Variants in RAB18 observed in about 807,000 individuals in gnomAD.
RAB18 encodes the protein ras-related protein Rab-18.
RAB18 carries 10 observed loss-of-function variants against 28.5 expected under a neutral mutation model. That is an observed-to-expected ratio of 0.35 (90% CI 0.22 to 0.60). The LOEUF is 0.60. RAB18 is among the 20% of genes least tolerant of loss of function. The pLI is 0.78. For missense variants in RAB18, 188 were observed against 244.2 expected (o/e 0.77, Z 1.53); for synonymous variants, 93 against 86.9 (o/e 1.07, Z -0.39).
rs1834942612 is a variant in RAB18 at position 27,538,267 on chromosome 10, A to C, written c.*216A>C. ...AGTCTACAGTTTTTTTATGTAGCAC[A>C]AAATAGGTGTACCTTTATAAGTACA... is the stretch of plus-strand genomic sequence containing the variant. On this transcript the variant is annotated 3_prime_UTR_variant, in exon 7 of 7. Transcript: ENST00000356940. The C allele has an allele frequency of 1.5e-6, 1 of 672,964 alleles. No individual in the cohort carries two copies. 41.7% of individuals were successfully genotyped at this position (672,964 alleles called of 1,614,324 possible). A position where few individuals can be genotyped will look rare whatever the true frequency, so the allele number is the denominator to read the frequency against.
chr10:27,518,161 C>T (rs573590438), intron 2 of RAB18, among the ~76,000 whole-genome samples: 11 of 152,126 alleles, frequency 7.2e-5, no homozygotes, highest in African/African-American at 2.4e-4. Context: ...TTGTTGTTTC[C>T]AGTTTTTAGT....
intron 2 of RAB18, among the ~76,000 whole-genome samples, chr10:27,519,202 G>A (rs1376609280): frequency 6.6e-6 from 1 of 151,290 alleles, no homozygotes; most frequent in Admixed American, 6.6e-5. Context: ...GAAATATCAC[G>A]TAATCATCTC....
In RAB18 at chr10:27,540,671, T is replaced by TA. The variant is rs1443520541; in HGVS notation, c.*2621dup. The TA allele has an allele frequency of 2.2e-6, 1 of 454,094 alleles. No homozygotes were observed. The highest frequency in any genetic ancestry group is 2.3e-5 in the Admixed American group (1 of 42,580). The allele number at this position is 454,094 out of a possible 1,614,324, so 28.1% of individuals were successfully genotyped here. On this transcript the variant is annotated 3_prime_UTR_variant, in exon 7 of 7. Transcript: ENST00000356940. Reference sequence around the variant, plus strand: ...AGGTACAAAGTTAGGGGACTTATGGTACCTTCACTTTTTATGTGAGAATAG... The same window carrying TA: ...AGGTACAAAGTTAGGGGACTTATGGTAACCTTCACTTTTTATGTGAGAATAG...
intron 1 of RAB18, chr10:27,504,853 A>G (rs1015838749): frequency 4.3e-6 from 2 of 464,994 alleles, no homozygotes; most frequent in Non-Finnish European, 8.7e-6. Context: ...TAGCTTTCCC[A>G]CTTGAGGGTT....
At chr10:27,524,162 T>C (rs1290466787) in intron 2 of RAB18, among the ~76,000 whole-genome samples, 2 of 152,222 alleles carry the variant, frequency 1.3e-5, no homozygotes. Context: ...ACTCCTGGCC[T>C]CAAGCGATCC....
intron 4 of RAB18, 131 bp from the exon 5 acceptor site, chr10:27,533,598 CAATATT>C (rs1360582540): frequency 3.0e-5 from 29 of 982,418 alleles, no homozygotes; most frequent in Non-Finnish European, 3.9e-5. Context: ...AGTAGACACT[CAATATT>C]AATCGTTGAA....
chr10:27,515,827 CTCCT>C (rs1003193309), intron 2 of RAB18, among the ~76,000 whole-genome samples: 38 of 152,172 alleles, frequency 2.5e-4, no homozygotes, highest in African/African-American at 8.9e-4. Context: ...CAATCTGATC[CTCCT>C]TCCTTCTTTA....
chr10:27,531,457 C>T, intron 3 of RAB18: 1 of 1,489,234 alleles, frequency 6.7e-7, no homozygotes, highest in Non-Finnish European at 9.0e-7. Context: ...CATAACAAAC[C>T]CTCATTTACA....
chr10:27,529,813 C>T (rs1015414211), intron 3 of RAB18, among the ~76,000 whole-genome samples: 2 of 151,928 alleles, frequency 1.3e-5, no homozygotes, highest in East Asian at 1.9e-4. Flanking sequence ...AATCCTGATG[C>T]GATGCTATTG....
Position 27,538,497 on chromosome 10 carries a change from A to G in RAB18, c.*446A>G. The G allele has an allele frequency of 2.2e-6, 1 of 454,684 alleles. No homozygotes were observed. Among genetic ancestry groups the G allele is most frequent in the African/African-American group, 2.0e-5 (1 of 50,126 alleles). The allele number at this position is 454,684 out of a possible 1,614,324, so 28.2% of individuals were successfully genotyped here. ...GGCAAATTTTCTTTCAGGAATAATA[A>G]AGAGCATGATTCCACAGCTTTTCTG... is the stretch of plus-strand genomic sequence containing the variant. On this transcript the variant is annotated 3_prime_UTR_variant, in exon 7 of 7. Transcript: ENST00000356940.
chr10:27,542,059 C>T lies in RAB18; in HGVS notation c.*4008C>T, dbSNP rs538921321. Reference sequence around the variant, plus strand: ...GGAGATAGTGTGCTGGGAGGAGTCACATTCTGAACTTGCTGCAGCTCGTTT... The same window carrying T: ...GGAGATAGTGTGCTGGGAGGAGTCATATTCTGAACTTGCTGCAGCTCGTTT... On this transcript the variant is annotated 3_prime_UTR_variant, in exon 7 of 7. Transcript: ENST00000356940. 141 of 454,064 alleles carry T rather than the reference C, an allele frequency of 3.1e-4. 1 individual carries two copies. Among genetic ancestry groups the T allele is most frequent in the South Asian group, 1.9e-3 (123 of 64,464 alleles). The allele number at this position is 454,064 out of a possible 1,614,324, so 28.1% of individuals were successfully genotyped here. A position where few individuals can be genotyped will look rare whatever the true frequency, so the allele number is the denominator to read the frequency against.
chr10:27,538,453 T>C lies in RAB18; in HGVS notation c.*402T>C, dbSNP rs555933024. 326 of 455,294 alleles carry C rather than the reference T, an allele frequency of 7.2e-4. No homozygotes were observed. The highest frequency in any genetic ancestry group is 1.3e-3 in the Non-Finnish European group (290 of 227,442). The allele number at this position is 455,294 out of a possible 1,614,324, so 28.2% of individuals were successfully genotyped here. On this transcript the variant is annotated 3_prime_UTR_variant, in exon 7 of 7. Transcript: ENST00000356940. ...GAACTCCTAGCACCACGGGGAAGAA[T>C]AGAGGTATCATCAAACGTGGCAAAT...
chr10:27,512,605 C>T (rs1834346329), intron 2 of RAB18, among the ~76,000 whole-genome samples: 1 of 152,146 alleles, frequency 6.6e-6, no homozygotes, highest in South Asian at 2.1e-4. Flanking sequence ...TGTGCCCATA[C>T]TGGTGTATTA....
intron 3 of RAB18, among the ~76,000 whole-genome samples, chr10:27,529,257 G>A (rs1214559875): frequency 6.6e-6 from 1 of 151,736 alleles, no homozygotes; most frequent in African/African-American, 2.4e-5. Flanking sequence ...GGAGGTAAAG[G>A]GTGTTCTTGT....
At chr10:27,504,497 CTGTCTCCTGGGCCG>C in intron 1 of RAB18, 60 bp downstream of exon 1, 1 of 1,526,384 alleles carries the variant, frequency 6.6e-7, no homozygotes, top group Non-Finnish European at 8.9e-7. Flanking sequence ...CCGGTGGCTG[CTGTCTCCTGGGCCG>C]CGACGGGAAC....
chr10:27,507,017 A>G (rs1162165240), intron 1 of RAB18, among the ~76,000 whole-genome samples: 1 of 152,222 alleles, frequency 6.6e-6, no homozygotes, highest in African/African-American at 2.4e-5. Context: ...TGCTGTGGAA[A>G]ACAATCTTAA....
At chr10:27,527,256 A>T (rs1460701007) in intron 3 of RAB18, among the ~76,000 whole-genome samples, 1 of 152,148 alleles carries the variant, frequency 6.6e-6, no homozygotes, top group African/African-American at 2.4e-5. Flanking sequence ...GAATGACGTG[A>T]TATTTAGGAA....
intron 2 of RAB18, among the ~76,000 whole-genome samples, chr10:27,510,765 CATT>C (rs781446364): frequency 6.6e-6 from 1 of 152,118 alleles, no homozygotes; most frequent in East Asian, 1.9e-4. Flanking sequence ...ATGATCCTAG[CATT>C]ATTGTTAGGG....
chr10:27,507,815 A>T (rs1357675154), intron 1 of RAB18, among the ~76,000 whole-genome samples: 4 of 151,828 alleles, frequency 2.6e-5, no homozygotes, highest in African/African-American at 9.7e-5. Flanking sequence ...AGACAGGAGG[A>T]TCTCTTGAGG....
Sources: allele counts gnomAD v4.1 joint callset (sites outside exome capture counted in the v4.1 genomes callset), GRCh38; gene constraint gnomAD v4.1.1; transcripts MANE v1.5; gene names NCBI Gene and HGNC (gene_info 2026-07-23, HGNC 2026-07-21).